Variants in PTPN5 observed in about 807,000 individuals in gnomAD.
PTPN5 encodes the protein tyrosine-protein phosphatase non-receptor type 5.
A neutral mutation model predicts 73.9 loss-of-function variants in PTPN5; 29 were observed. The ratio of observed to expected loss-of-function variants is 0.39; its 90% CI spans 0.29 to 0.54. PTPN5 has a LOEUF of 0.54. Among genes scored for constraint, PTPN5 ranks in the 20% least tolerant of loss-of-function variants. The probability of loss-of-function intolerance (pLI) is 0.65; values close to 1 mark genes in which losing one functional copy is unlikely to be tolerated. For synonymous variants in PTPN5, 267 were observed against 304.7 expected, an observed-to-expected ratio of 0.88 and a Z score of 1.29; for missense variants, 652 against 751.4, an observed-to-expected ratio of 0.87 and a Z score of 1.55.
chr11:18,743,402 C>T lies in PTPN5; in HGVS notation c.319G>A (p.Gly107Ser), dbSNP rs200523801. 75 of 1,614,094 alleles carry T rather than the reference C, an allele frequency of 4.6e-5. No individual in the cohort carries two copies. Among genetic ancestry groups the T allele is most frequent in the East Asian group, 1.1e-4 (5 of 44,856 alleles). ...LLACGVLWFS[G>S]YGHIWSQNAT... ...TTCTGTGACCAGATGTGGCCATAAC[C>T]GCTGAACCAGAGCACCCCACAGGCA... The change falls in exon 5 of 15, where the codon GGT becomes AGT. Residue 107 changes from glycine to serine, a missense_variant. By Grantham distance (56) the Gly-to-Ser change is moderately conservative. Coordinates refer to ENST00000358540, the MANE Select transcript of PTPN5 (RefSeq NM_006906.2).
At chr11:18,741,298 C>G (rs527430060) in intron 7 of PTPN5, among the ~76,000 whole-genome samples, 2 of 152,298 alleles carry the variant, frequency 1.3e-5, no homozygotes, top group Admixed American at 1.3e-4. Flanking sequence ...AGGACCCCCG[C>G]TGTCAGGAAG....
At chr11:18,744,330 C>A in intron 3 of PTPN5, 131 bp from the exon 4 acceptor site, 2 of 679,292 alleles carry the variant, frequency 2.9e-6, no homozygotes, top group East Asian at 3.3e-5. Flanking sequence ...TTCCAGCAGT[C>A]ACCCTCGATT....
At chr11:18,755,732 G>A (rs960910505) in intron 3 of PTPN5, among the ~76,000 whole-genome samples, 1 of 151,996 alleles carries the variant, frequency 6.6e-6, no homozygotes, top group Non-Finnish European at 1.5e-5. Flanking sequence ...TGGGCCTGAC[G>A]CGGTGGCTCA....
Position 18,729,439 on chromosome 11 carries a change from G to T in PTPN5, c.1604+14C>A. Reference sequence around the variant, plus strand: ...AGCTCCCTTGTGTGTCCCCACTCCCGCCCGTGGGCTGACCTGTCCTGACGG... The same window carrying T: ...AGCTCCCTTGTGTGTCCCCACTCCCTCCCGTGGGCTGACCTGTCCTGACGG... On this transcript the variant is annotated intron_variant, in intron 14 of 14. Transcript: ENST00000358540. The surrounding 1 kb of genome is among the most constrained non-coding windows in gnomAD (Gnocchi z 5.2). The T allele has an allele frequency of 7.7e-7, 1 of 1,297,208 alleles. No homozygotes were observed. Among genetic ancestry groups the T allele is most frequent in the South Asian group, 1.2e-5 (1 of 85,128 alleles). The allele number at this position is 1,297,208 out of a possible 1,614,324, so 80.4% of individuals were successfully genotyped here. A position where few individuals can be genotyped will look rare whatever the true frequency, so the allele number is the denominator to read the frequency against.
At chr11:18,741,770 G>A (rs527365186) in intron 7 of PTPN5, among the ~76,000 whole-genome samples, 3 of 152,250 alleles carry the variant, frequency 2.0e-5, no homozygotes, top group African/African-American at 4.8e-5. Flanking sequence ...TGGGCACTAC[G>A]CTCAGTACCT....
rs1206964453 is a variant in PTPN5, at chr11:18,728,326, C to T, written c.*608G>A. On this transcript the variant is annotated 3_prime_UTR_variant, in exon 15 of 15. Coordinates refer to ENST00000358540, the MANE Select transcript of PTPN5 (RefSeq NM_006906.2). This position sits in a 1 kb window ranked among gnomAD's most constrained non-coding sequence, Gnocchi z 4.1. ...TGCCAGTGCCTCACAGGCTGGGCACCCTCCTGAGAGCATCTGACACCCAGA... is the reference window on the plus strand; with the variant it reads ...TGCCAGTGCCTCACAGGCTGGGCACTCTCCTGAGAGCATCTGACACCCAGA... 6.6e-6 allele frequency: 1 copy of T among 152,354 alleles called. No individual in the cohort carries two copies. Among genetic ancestry groups the T allele is most frequent in the African/African-American group, 2.4e-5 (1 of 41,418 alleles). The allele number at this position is 152,354 out of a possible 1,614,324, so 9.4% of individuals were successfully genotyped here.
chr11:18,774,356 C>A (rs1851044713), intron 1 of PTPN5, among the ~76,000 whole-genome samples: 2 of 152,126 alleles, frequency 1.3e-5, no homozygotes. Context: ...CTGAACAATG[C>A]CAAGTTGTCT....
intron 1 of PTPN5, among the ~76,000 whole-genome samples, chr11:18,781,566 C>A (rs370307997): frequency 2.6e-3 from 396 of 152,188 alleles, no homozygotes; most frequent in African/African-American, 8.7e-3. Flanking sequence ...GTGATCCACC[C>A]GCCTCGGCCT....
At position 18,750,677 on chromosome 11, in the gene PTPN5, C is replaced by T. The variant is rs540193668; in HGVS notation, c.98-6478G>A. On this transcript the variant is annotated intron_variant, in intron 3 of 14. Coordinates refer to ENST00000358540, the MANE Select transcript of PTPN5 (RefSeq NM_006906.2). The stretch of plus-strand genomic sequence containing the variant: ...AGATGAATCCACAGGGAGGATTTGC[C>T]CTCCCTTATCCTCCTATCCTGCCAG... Among the ~76,000 whole-genome samples, 45 of 152,290 alleles carry T rather than the reference C, an allele frequency of 3.0e-4. 1 individual carries two copies. The South Asian group carries it at 8.9e-3, about 30-fold the overall frequency.
At chr11:18,787,776 A>G (rs375742924) in intron 1 of PTPN5, among the ~76,000 whole-genome samples, 1 of 152,044 alleles carries the variant, frequency 6.6e-6, no homozygotes, top group African/African-American at 2.4e-5. Flanking sequence ...ACTGCTCACC[A>G]CCTGAACAAT....
At position 18,773,652 on chromosome 11, in the gene PTPN5, C is replaced by G. The variant is rs1258276674; in HGVS notation, c.-113-1581G>C. ...TTGAATTTCCTACCAGATAGGGATG[C>G]TGGGGAGCTCTGAGTCTGGGCTAAT... On this transcript the variant is annotated intron_variant, in intron 1 of 14. Coordinates refer to ENST00000358540, the MANE Select transcript of PTPN5 (RefSeq NM_006906.2). Among the ~76,000 whole-genome samples, 3 of 152,106 alleles carry G rather than the reference C, an allele frequency of 2.0e-5. No individual in the cohort carries two copies. In the South Asian group the frequency reaches 6.2e-4, roughly 32 times the overall value.
At chr11:18,792,127 C>A (rs185738335), upstream of PTPN5, 1 of 152,246 alleles carries the variant, frequency 6.6e-6, no homozygotes, top group African/African-American at 2.4e-5. Context: ...AGCCCCGGGT[C>A]GGGCCGCGCG....
chr11:18,744,519 C>A (rs1476644322), intron 3 of PTPN5, among the ~76,000 whole-genome samples: 1 of 151,866 alleles, frequency 6.6e-6, no homozygotes, highest in Admixed American at 6.6e-5. Flanking sequence ...AAAACAACCA[C>A]CTCAAACTCA....
Position 18,728,840 on chromosome 11 carries a change from G to A in PTPN5, c.*94C>T, listed in dbSNP as rs752792004. On this transcript the variant is annotated 3_prime_UTR_variant, in exon 15 of 15. Coordinates refer to ENST00000358540, the MANE Select transcript of PTPN5 (RefSeq NM_006906.2). The surrounding 1 kb of genome is among the most constrained non-coding windows in gnomAD (Gnocchi z 4.1). Reference sequence around the variant, plus strand: ...GAGGGAGCTGACTGAAGGGGAGGAAGCGGGGAGCAGGCCCAGGACCCGAGG... The same window carrying A: ...GAGGGAGCTGACTGAAGGGGAGGAAACGGGGAGCAGGCCCAGGACCCGAGG... 23 of 1,208,204 alleles carry A rather than the reference G, an allele frequency of 1.9e-5. No homozygotes were observed. Among genetic ancestry groups the A allele is most frequent in the Non-Finnish European group, 2.5e-5 (21 of 851,210 alleles). The allele number at this position is 1,208,204 out of a possible 1,614,324, so 74.8% of individuals were successfully genotyped here.
At position 18,748,474 on chromosome 11, in the gene PTPN5, C is replaced by T. The variant is rs182155194; in HGVS notation, c.98-4275G>A. On this transcript the variant is annotated intron_variant, in intron 3 of 14. Transcript: ENST00000358540. ...ATCCAACTGATGGGTATTTACTGGG[C>T]AACTGGTAGATGTACATCTTTCAGA... is the stretch of plus-strand genomic sequence containing the variant. Among the ~76,000 whole-genome samples, 13 of 152,242 alleles carry T rather than the reference C, an allele frequency of 8.5e-5. No homozygotes were observed. In the East Asian group the frequency reaches 1.5e-3, roughly 18 times the overall value.
intron 3 of PTPN5, among the ~76,000 whole-genome samples, chr11:18,752,227 C>T (rs983416698): frequency 2.6e-5 from 4 of 152,178 alleles, no homozygotes; most frequent in African/African-American, 7.2e-5. Flanking sequence ...CGCGAAACTC[C>T]GTCTTAAAAG....
chr11:18,741,868 A>G (rs1304199791), intron 7 of PTPN5, among the ~76,000 whole-genome samples: 2 of 152,210 alleles, frequency 1.3e-5, no homozygotes, highest in East Asian at 3.8e-4. Context: ...TCAATCCAAA[A>G]TAAAAGTAAA....
chr11:18,752,933 C>G (rs1849958002), intron 3 of PTPN5, among the ~76,000 whole-genome samples: 1 of 152,182 alleles, frequency 6.6e-6, no homozygotes, highest in African/African-American at 2.4e-5. Context: ...CTGATGAGAT[C>G]CAGAGAATAA....
At chr11:18,768,876 C>T (rs892990796) in intron 2 of PTPN5, among the ~76,000 whole-genome samples, 8 of 152,210 alleles carry the variant, frequency 5.3e-5, no homozygotes, top group African/African-American at 1.9e-4. Flanking sequence ...CTTCCTCCCT[C>T]CCCACCAAGA....
Sources: gnomAD v4.1 joint callset for allele counts (sites outside exome capture counted in the v4.1 genomes callset) on GRCh38, gnomAD v4.1.1 for gene constraint, Gnocchi (gnomAD v3.1) non-coding constraint, MANE v1.5 for transcripts, NCBI Gene and HGNC (gene_info 2026-07-23, HGNC 2026-07-21) for gene names.